The following DAB1 variants were observed in gnomAD, a reference collection of about 807,000 sequenced individuals.
The protein encoded by DAB1 is disabled homolog 1.
A neutral mutation model predicts 64.6 loss-of-function variants in DAB1; 15 were observed. That is an observed-to-expected ratio of 0.23 (90% confidence interval 0.16 to 0.36). The LOEUF (loss-of-function observed/expected upper bound fraction) is 0.36. Among genes scored for constraint, DAB1 ranks in the 10% least tolerant of loss-of-function variants. The probability of loss-of-function intolerance (pLI) is 1.00; values close to 1 mark genes in which losing one functional copy is unlikely to be tolerated. For missense variants in DAB1, 596 were observed against 706.7 expected (o/e 0.84, Z 1.78); for synonymous variants, 235 against 251.9 (o/e 0.93, Z 0.64).
At chr1:58,403,329 TTCC>T (rs1487797137) in intron 3 of DAB1, among the ~76,000 whole-genome samples, 1 of 151,860 alleles carries the variant, frequency 6.6e-6, no homozygotes, top group Admixed American at 6.6e-5. Flanking sequence ...ACAAAAACAT[TTCC>T]TCAACTCTCT....
intron 2 of DAB1, among the ~76,000 whole-genome samples, chr1:57,283,753 A>G (rs1374181428): frequency 1.3e-5 from 2 of 152,220 alleles, no homozygotes; most frequent in African/African-American, 4.8e-5. Flanking sequence ...AATCCTAAGA[A>G]CATAAGTTGT....
chr1:57,639,986 C>T (rs1646108508), intron 7 of DAB1, among the ~76,000 whole-genome samples: 1 of 152,158 alleles, frequency 6.6e-6, no homozygotes, highest in Non-Finnish European at 1.5e-5. Flanking sequence ...TGGGCTTTCT[C>T]TCTGGCATGT....
chr1:57,234,468 G>C (rs1018628687), intron 2 of DAB1, among the ~76,000 whole-genome samples: 1 of 152,086 alleles, frequency 6.6e-6, no homozygotes, highest in African/African-American at 2.4e-5. Context: ...ATTGTATTGA[G>C]TGCTTTAGTT....
At chr1:57,978,785 A>T (rs1645987297) in intron 5 of DAB1, among the ~76,000 whole-genome samples, 1 of 152,260 alleles carries the variant, frequency 6.6e-6, no homozygotes, top group Non-Finnish European at 1.5e-5. Flanking sequence ...TCAAAAGAAG[A>T]CATTTATGCA....
Position 58,171,568 on chromosome 1 carries a change from C to G in DAB1, n.310-20980G>C, listed in dbSNP as rs150777197. 3.6e-3 allele frequency among the ~76,000 whole-genome samples: 554 copies of G among 152,332 alleles called. 10 individuals are homozygous for G. Among genetic ancestry groups the G allele is most frequent in the African/African-American group, 0.013 (529 of 41,588 alleles). Reference sequence around the variant, plus strand: ...AAGCAGAATAGTTCACTGTTCTGGACCTCAAGGATGCCTTATTCTGTATTC... The same window carrying G: ...AAGCAGAATAGTTCACTGTTCTGGAGCTCAAGGATGCCTTATTCTGTATTC... On this transcript the variant is annotated intron_variant and non_coding_transcript_variant, in intron 4 of 20. Coordinates refer to the DAB1 transcript ENST00000485760.
At chr1:57,238,441 A>G (rs138451318) in intron 2 of DAB1, among the ~76,000 whole-genome samples, 82 of 152,334 alleles carry the variant, frequency 5.4e-4, no homozygotes, top group African/African-American at 1.7e-3. Context: ...AGCAAACTCT[A>G]TATTTAGATG....
intron 4 of DAB1, among the ~76,000 whole-genome samples, chr1:57,134,290 T>G (rs1657884969): frequency 6.6e-6 from 1 of 152,090 alleles, no homozygotes; most frequent in African/African-American, 2.4e-5. Flanking sequence ...ACAACTCATA[T>G]AAAGACTGTT....
chr1:58,444,689 C>G (rs1284731061), intron 3 of DAB1, among the ~76,000 whole-genome samples: 1 of 152,190 alleles, frequency 6.6e-6, no homozygotes, highest in African/African-American at 2.4e-5. Flanking sequence ...CAAAACAAAT[C>G]ACCTGGTCAT....
chr1:58,491,604 G>A (rs1645691521), intron 3 of DAB1, among the ~76,000 whole-genome samples: 2 of 151,918 alleles, frequency 1.3e-5, no homozygotes, highest in Non-Finnish European at 2.9e-5. Context: ...AAAAAGGCAG[G>A]GGTTGCAATC....
intron 6 of DAB1, among the ~76,000 whole-genome samples, chr1:57,728,542 C>T (rs1310428170): frequency 1.3e-5 from 2 of 151,368 alleles, no homozygotes; most frequent in African/African-American, 4.9e-5. Flanking sequence ...TGCAGTGAGC[C>T]GAGATCACGT....
intron 5 of DAB1, among the ~76,000 whole-genome samples, chr1:57,890,359 C>G (rs1644292951): frequency 6.6e-6 from 1 of 151,954 alleles, no homozygotes; most frequent in Non-Finnish European, 1.5e-5. Context: ...GACCCCAACT[C>G]TTCACCTCTA....
chr1:57,841,072 G>C (rs1194666201), intron 1 of DAB1, among the ~76,000 whole-genome samples: 1 of 152,202 alleles, frequency 6.6e-6, no homozygotes, highest in Non-Finnish European at 1.5e-5. Flanking sequence ...TGGGGGTACA[G>C]GAATTGGGTA....
Position 58,090,807 on chromosome 1 carries a change from T to C in DAB1, n.387+59704A>G, listed in dbSNP as rs565366150. On this transcript the variant is annotated intron_variant and non_coding_transcript_variant, in intron 5 of 20. Transcript: ENST00000485760. ...CAGACTAACAAGGAGGCAATTTCTC[T>C]GTCAGAGCAAGCACAGAGAAAGGAT... 3.2e-4 allele frequency among the ~76,000 whole-genome samples: 48 copies of C among 152,274 alleles called. 1 individual carries two copies. Among genetic ancestry groups the C allele is most frequent in the African/African-American group, 1.1e-3 (46 of 41,580 alleles).
intron 3 of DAB1, among the ~76,000 whole-genome samples, chr1:58,366,348 G>A (rs1403114789): frequency 6.6e-6 from 1 of 152,176 alleles, no homozygotes; most frequent in East Asian, 1.9e-4. Flanking sequence ...GCAGGACAGG[G>A]CCAGTGACTA....
intron 1 of DAB1, among the ~76,000 whole-genome samples, chr1:57,837,773 CA>C (rs1430056310): frequency 2.7e-5 from 4 of 150,746 alleles, no homozygotes; most frequent in African/African-American, 4.9e-5. Context: ...CCATCCCTAC[CA>C]CCTCCACCAC....
At chr1:58,321,597 C>G (rs1448763848) in intron 4 of DAB1, among the ~76,000 whole-genome samples, 1 of 152,276 alleles carries the variant, frequency 6.6e-6, no homozygotes, top group East Asian at 1.9e-4. Context: ...AAATGGCACA[C>G]CAGGAGATTA....
intron 1 of DAB1, among the ~76,000 whole-genome samples, chr1:57,388,789 C>T (rs1682100313): frequency 6.6e-6 from 1 of 152,108 alleles, no homozygotes; most frequent in Non-Finnish European, 1.5e-5. Flanking sequence ...CCCCACATTA[C>T]TTTATCACTC....
intron 7 of DAB1, among the ~76,000 whole-genome samples, chr1:57,626,902 G>A (rs10443241): frequency 0.24 from 36,766 of 152,044 alleles, 4,800 homozygotes; most frequent in Admixed American, 0.34. Flanking sequence ...TGTATAAATC[G>A]TGGGGGAAAC....
At chr1:57,491,320 C>T (rs1014892991) in intron 7 of DAB1, among the ~76,000 whole-genome samples, 3 of 151,764 alleles carry the variant, frequency 2.0e-5, no homozygotes, top group African/African-American at 4.8e-5. Context: ...CCCAGCGACT[C>T]GGGAGGCTGA....
Sources: gnomAD v4.1 joint callset for allele counts (sites outside exome capture counted in the v4.1 genomes callset) on GRCh38, gnomAD v4.1.1 for gene constraint, MANE v1.5 for transcripts, NCBI Gene and HGNC (gene_info 2026-07-23, HGNC 2026-07-21) for gene names.